The following SYT16 variants were observed in gnomAD, a reference collection of about 807,000 sequenced individuals.
The protein encoded by SYT16 is synaptotagmin 16.
Under a neutral mutation model 61.4 loss-of-function variants are expected in SYT16, and 42 were observed. That is an observed-to-expected ratio of 0.68 (90% CI 0.53 to 0.89). SYT16 has a LOEUF of 0.89. SYT16 is among the 40% of genes least tolerant of loss of function. The probability of loss-of-function intolerance (pLI) is 0.00; values close to 1 mark genes in which losing one functional copy is unlikely to be tolerated. For synonymous variants in SYT16, 314 were observed against 302.3 expected, an observed-to-expected ratio of 1.04 and a Z score of -0.40; for missense variants, 804 against 807.3, an observed-to-expected ratio of 1.00 and a Z score of 0.05.
At chr14:62,053,740 T>G (rs1257629821) in intron 3 of SYT16, among the ~76,000 whole-genome samples, 1 of 151,994 alleles carries the variant, frequency 6.6e-6, no homozygotes, top group African/African-American at 2.4e-5. Context: ...ATTTAGAAAA[T>G]GTAAATAAGA....
chr14:61,901,050 C>G (rs1231132276), intron 1 of SYT16, among the ~76,000 whole-genome samples: 1 of 152,186 alleles, frequency 6.6e-6, no homozygotes, highest in Non-Finnish European at 1.5e-5. Flanking sequence ...CTTCCAATTT[C>G]CCTTCTGACT....
chr14:62,069,446 T>A (rs910897183), intron 3 of SYT16, 157 bp from the exon 4 acceptor site: 6 of 673,646 alleles, frequency 8.9e-6, no homozygotes, highest in Non-Finnish European at 1.5e-5. Flanking sequence ...CAAATTTGTG[T>A]TGCAAAAGTG....
chr14:61,918,966 A>T lies in SYT16; in HGVS notation c.-324-51166A>T, dbSNP rs534016450. ...TAACTTTTGGAAATAATATAAGACT[A>T]AACCCAACATATGGGGAGGATTCTT... is the stretch of plus-strand genomic sequence containing the variant. On this transcript the variant is annotated intron_variant, in intron 1 of 7. Coordinates refer to ENST00000683842, the MANE Select transcript of SYT16 (RefSeq NM_001367656.1). 2.6e-5 allele frequency among the ~76,000 whole-genome samples: 4 copies of T among 152,290 alleles called. No individual in the cohort carries two copies. In the South Asian group the frequency reaches 8.3e-4, roughly 32 times the overall value.
intron 3 of SYT16, among the ~76,000 whole-genome samples, chr14:62,061,866 G>T (rs142549076): frequency 1.2e-3 from 181 of 152,230 alleles, no homozygotes; most frequent in Non-Finnish European, 2.2e-3. Context: ...TATATAATCT[G>T]TGTTCCCTTC....
intron 2 of SYT16, among the ~76,000 whole-genome samples, chr14:61,979,037 T>C (rs2051940439): frequency 2.6e-5 from 4 of 152,226 alleles, no homozygotes; most frequent in African/African-American, 9.6e-5. Flanking sequence ...TCTCTGTATC[T>C]TTCAGGATCC....
chr14:61,868,770 G>T (rs1407995045), intron 1 of SYT16, among the ~76,000 whole-genome samples: 3 of 151,910 alleles, frequency 2.0e-5, no homozygotes, highest in African/African-American at 7.2e-5. Context: ...TTTTGTTTTT[G>T]TTGGTTGTTC....
chr14:61,885,715 A>G (rs2047873288), intron 1 of SYT16, among the ~76,000 whole-genome samples: 1 of 152,224 alleles, frequency 6.6e-6, no homozygotes, highest in Non-Finnish European at 1.5e-5. Context: ...AATGAGTCAC[A>G]TACATTTTTT....
intron 1 of SYT16, among the ~76,000 whole-genome samples, chr14:61,824,421 C>T (rs956354937): frequency 2.0e-5 from 3 of 152,000 alleles, no homozygotes; most frequent in Non-Finnish European, 2.9e-5. Flanking sequence ...GGCAGGATCT[C>T]GGCTCACTGC....
intron 3 of SYT16, among the ~76,000 whole-genome samples, chr14:62,011,870 T>C (rs1003824520): frequency 0.018 from 2,186 of 123,910 alleles, 42 homozygotes; most frequent in Non-Finnish European, 0.026. Context: ...GGGAACACTA[T>C]ATATACACAC....
chr14:62,036,628 G>A (rs1595219477), intron 3 of SYT16, among the ~76,000 whole-genome samples: 1 of 152,126 alleles, frequency 6.6e-6, no homozygotes, highest in African/African-American at 2.4e-5. Context: ...ATGGCAGAAG[G>A]CAAAGGAGGA....
chr14:61,832,249 G>T (rs996907746), intron 1 of SYT16: 2 of 610,112 alleles, frequency 3.3e-6, no homozygotes, highest in Non-Finnish European at 3.2e-6. Context: ...TAGTCACGTC[G>T]ATCCACATAA....
chr14:61,942,238 T>C (rs2050239093), intron 1 of SYT16, among the ~76,000 whole-genome samples: 1 of 152,230 alleles, frequency 6.6e-6, no homozygotes, highest in South Asian at 2.1e-4. Context: ...TTATAGTCCC[T>C]TTTTCAAGTC....
chr14:61,843,594 T>C (rs1448641987), intron 1 of SYT16, among the ~76,000 whole-genome samples: 1 of 152,192 alleles, frequency 6.6e-6, no homozygotes, highest in Non-Finnish European at 1.5e-5. Context: ...AGGCAAGAGA[T>C]AGGGATCTAG....
intron 3 of SYT16, among the ~76,000 whole-genome samples, chr14:62,038,643 C>G (rs144980611): frequency 3.3e-5 from 5 of 152,240 alleles, no homozygotes; most frequent in Middle Eastern, 3.4e-3. Context: ...GCCCAGCTCT[C>G]TGTCTGGCCT....
At chr14:62,063,724 TAGAG>T (rs970414827) in intron 3 of SYT16, among the ~76,000 whole-genome samples, 124 of 147,864 alleles carry the variant, frequency 8.4e-4, no homozygotes, top group African/African-American at 2.6e-3. Flanking sequence ...GATTAAAAAT[TAGAG>T]AGAGGAACAC....
intron 3 of SYT16, among the ~76,000 whole-genome samples, chr14:62,032,405 T>C (rs1370011320): frequency 6.6e-6 from 1 of 152,096 alleles, no homozygotes; most frequent in Non-Finnish European, 1.5e-5. Context: ...TCTATGACAT[T>C]TAAAAGAATC....
At chr14:61,940,784 T>C (rs1445649785) in intron 1 of SYT16, among the ~76,000 whole-genome samples, 1 of 152,162 alleles carries the variant, frequency 6.6e-6, no homozygotes, top group East Asian at 1.9e-4. Context: ...GTCACCCACA[T>C]AGTGGTGGGG....
intron 5 of SYT16, among the ~76,000 whole-genome samples, chr14:62,080,229 C>T (rs1486833085): frequency 6.6e-6 from 1 of 152,170 alleles, no homozygotes; most frequent in Non-Finnish European, 1.5e-5. Context: ...TGTGCCTGTC[C>T]CAGAAATGGC....
intron 3 of SYT16, among the ~76,000 whole-genome samples, chr14:62,035,273 A>G (rs1258024118): frequency 6.6e-6 from 1 of 152,214 alleles, no homozygotes; most frequent in Non-Finnish European, 1.5e-5. Flanking sequence ...AAGGGCATGT[A>G]GCCCAGTTGT....
Sources: gnomAD v4.1 joint callset for allele counts (sites outside exome capture counted in the v4.1 genomes callset) on GRCh38, gnomAD v4.1.1 for gene constraint, MANE v1.5 for transcripts, NCBI Gene and HGNC (gene_info 2026-07-23, HGNC 2026-07-21) for gene names.